The following CRAT variants were observed in gnomAD, a reference collection of about 807,000 sequenced individuals.
The protein encoded by CRAT is carnitine O-acetyltransferase, also known as carnitine acetylase.
CRAT carries 66 observed loss-of-function variants against 73.7 expected under a neutral mutation model. The observed-to-expected ratio is 0.90, with a 90% CI of 0.73 to 1.10. CRAT has a LOEUF of 1.10. Ranked by LOEUF, CRAT falls within the 50% of genes least tolerant of loss-of-function variation. The pLI is 0.00. For missense variants in CRAT, 745 were observed against 846.9 expected, an observed-to-expected ratio of 0.88 and a Z score of 1.49; for synonymous variants, 321 against 343.2, an observed-to-expected ratio of 0.94 and a Z score of 0.71.
Position 129,107,823 on chromosome 9 carries a change from C to T in CRAT, c.282G>A (p.Thr94=), listed in dbSNP as rs376276424. 9.3e-6 allele frequency: 15 copies of T among 1,612,946 alleles called. No homozygotes were observed. The highest frequency in any genetic ancestry group is 1.6e-4 in the Middle Eastern group (1 of 6,084). The change falls in exon 2 of 14, where the codon ACG becomes ACA. Residue 94 remains threonine (T), a synonymous_variant. Transcript: ENST00000318080. The surrounding 1 kb of genome is among the most constrained non-coding windows in gnomAD (Gnocchi z 5.0). ...QKGLERRARK[T]ENWLSEWWLK... ...GGATGCCCTCACTCACCCAGTTCTC[C>T]GTCTTCCTGGCCCGACGCTCCAGCC...
Position 129,098,515 on chromosome 9 carries a change from G to A in CRAT, c.1205+16C>T, listed in dbSNP as rs1249531343. ...CTCACCCATCCAGCACAGGGATGGC[G>A]GGGGCAGGCACTTACATGCTGAGGT... On this transcript the variant is annotated intron_variant, in intron 9 of 13. Coordinates refer to ENST00000318080, the MANE Select transcript of CRAT (RefSeq NM_000755.5). 3 of 1,603,322 alleles carry A rather than the reference G, an allele frequency of 1.9e-6. No individual in the cohort carries two copies. Among genetic ancestry groups the A allele is most frequent in the Non-Finnish European group, 2.6e-6 (3 of 1,175,560 alleles).
intron 2 of CRAT, among the ~76,000 whole-genome samples, chr9:129,104,884 A>T (rs371549081): frequency 1.5e-5 from 2 of 131,258 alleles, no homozygotes; most frequent in South Asian, 2.5e-4. Flanking sequence ...GATTACAGGC[A>T]TGAGCCACTG....
chr9:129,095,123 C>G lies in CRAT; in HGVS notation c.*274G>C. On this transcript the variant is annotated 3_prime_UTR_variant, in exon 14 of 14. Transcript: ENST00000318080. ...TGGTTCCCTTCCCCAGAGGAGGCAC[C>G]GGTGGAGGACGTGCCAGGGGCCCGG... is the stretch of plus-strand genomic sequence containing the variant. The G allele has an allele frequency of 2.0e-6, 1 of 510,442 alleles. No individual in the cohort carries two copies. The highest frequency in any genetic ancestry group is 1.9e-5 in the African/African-American group (1 of 52,200). 31.6% of individuals were successfully genotyped at this position (510,442 alleles called of 1,614,324 possible).
rs535379081 is a variant in CRAT, at chr9:129,098,664, G to A, written c.1086-14C>T. 10 of 1,597,394 alleles carry A rather than the reference G, an allele frequency of 6.3e-6. No individual in the cohort carries two copies. The highest frequency in any genetic ancestry group is 4.3e-6 in the Non-Finnish European group (5 of 1,175,676). On this transcript the variant is annotated splice_polypyrimidine_tract_variant and intron_variant, in intron 8 of 13. Transcript: ENST00000318080. Reference sequence around the variant, plus strand: ...TCGGGTTTCTTCCTGCACAGTAAACGGGGCCTCAGGCTCATGCTGGTGCCT... The same window carrying A: ...TCGGGTTTCTTCCTGCACAGTAAACAGGGCCTCAGGCTCATGCTGGTGCCT...
chr9:129,105,933 A>G (rs1564169090), intron 2 of CRAT, among the ~76,000 whole-genome samples: 1 of 152,036 alleles, frequency 6.6e-6, no homozygotes, highest in Non-Finnish European at 1.5e-5. Flanking sequence ...CTCCCAGGTG[A>G]CTGTCACCCT....
At chr9:129,101,532 C>T (rs752466678) in intron 6 of CRAT, among the ~76,000 whole-genome samples, 5 of 152,222 alleles carry the variant, frequency 3.3e-5, no homozygotes, top group Non-Finnish European at 4.4e-5. Flanking sequence ...AGCTACTCTC[C>T]GATAAGTTAA....
intron 2 of CRAT, among the ~76,000 whole-genome samples, chr9:129,105,664 A>G (rs548581249): frequency 1.6e-4 from 24 of 152,278 alleles, no homozygotes; most frequent in African/African-American, 5.5e-4. Flanking sequence ...GAACTGTCCA[A>G]GGAGGCAGGA....
At chr9:129,098,433 G>A in intron 9 of CRAT, 62 bp from the exon 10 acceptor site, 1 of 1,599,874 alleles carries the variant, frequency 6.3e-7, no homozygotes, top group Non-Finnish European at 8.5e-7. Context: ...ACCCCACGGA[G>A]GGTCTGGGTG....
chr9:129,110,693 G>A lies in CRAT; in HGVS notation c.-184C>T. 1.3e-6 allele frequency: 1 copy of A among 777,584 alleles called. No individual in the cohort carries two copies. Among genetic ancestry groups the A allele is most frequent in the Non-Finnish European group, 1.9e-6 (1 of 530,464 alleles). The allele number at this position is 777,584 out of a possible 1,614,324, so 48.2% of individuals were successfully genotyped here. ...CCACCCTCTGGGCCGAGCGGGCTGC[G>A]GGAAGGCACCCGGGGAGGAGGACTC... On this transcript the variant is annotated 5_prime_UTR_variant, in exon 1 of 14. Coordinates refer to ENST00000318080, the MANE Select transcript of CRAT (RefSeq NM_000755.5). The surrounding 1 kb of genome is among the most constrained non-coding windows in gnomAD (Gnocchi z 5.3).
chr9:129,098,446 A>C (rs17486094), intron 9 of CRAT, 75 bp from the exon 10 acceptor site: 3 of 1,595,632 alleles, frequency 1.9e-6, no homozygotes, highest in Non-Finnish European at 2.6e-6. Flanking sequence ...TCTGGGTGTC[A>C]TGACAGAGCT....
At chr9:129,104,886 G>C (rs17486185) in intron 2 of CRAT, among the ~76,000 whole-genome samples, 1 of 146,354 alleles carries the variant, frequency 6.8e-6, no homozygotes, top group African/African-American at 2.5e-5. Flanking sequence ...TTACAGGCAT[G>C]AGCCACTGTG....
Position 129,098,075 on chromosome 9 carries a change from T to A in CRAT, c.1402A>T (p.Ile468Phe). The A allele has an allele frequency of 6.2e-7, 1 of 1,614,034 alleles. No individual in the cohort carries two copies. Reference sequence around the variant, plus strand: ...AGTGAGTCCATGGAAGCCGAGCGGATGGTGTCGGTGCGGCCCAGGTGAAAC... The same window carrying A: ...AGTGAGTCCATGGAAGCCGAGCGGAAGGTGTCGGTGCGGCCCAGGTGAAAC... ...RMFHLGRTDTIRSASMDSLTF... is the reference protein window; with the variant it reads ...RMFHLGRTDTFRSASMDSLTF... Residue 468 changes from isoleucine to phenylalanine, a missense_variant, in exon 11 of 14, where the codon ATC (isoleucine) becomes TTC (phenylalanine). Physicochemically the swap from Ile to Phe is conservative, Grantham distance 21. Transcript: ENST00000318080.
intron 6 of CRAT, 110 bp from the exon 7 acceptor site, chr9:129,100,799 C>G: frequency 1.5e-6 from 2 of 1,348,162 alleles, no homozygotes; most frequent in Non-Finnish European, 2.0e-6. Context: ...CCATTTGTAC[C>G]TCTCTGGGAT....
chr9:129,103,647 T>C lies in CRAT; in HGVS notation c.410+541A>G, dbSNP rs1021352185. Among the ~76,000 whole-genome samples, 9 of 152,154 alleles carry C rather than the reference T, an allele frequency of 5.9e-5. No individual in the cohort carries two copies. The highest frequency in any genetic ancestry group is 1.9e-4 in the African/African-American group (8 of 41,432). On this transcript the variant is annotated intron_variant, in intron 3 of 13. Transcript: ENST00000318080. The surrounding 1 kb of genome is among the most constrained non-coding windows in gnomAD (Gnocchi z 4.6). ...CACCATGGGGACCAGTGGCTGGAGTTCCTGGGCCTGAACCCCGGCCCTTCC... is the reference window on the plus strand; with the variant it reads ...CACCATGGGGACCAGTGGCTGGAGTCCCTGGGCCTGAACCCCGGCCCTTCC...
intron 1 of CRAT, chr9:129,108,284 G>T: frequency 2.0e-6 from 2 of 996,414 alleles, no homozygotes; most frequent in Non-Finnish European, 1.4e-6. Flanking sequence ...GGGGGAGGGT[G>T]GGGTGTGGCC....
intron 6 of CRAT, among the ~76,000 whole-genome samples, chr9:129,101,082 G>C (rs567516601): frequency 3.1e-4 from 47 of 151,322 alleles, no homozygotes; most frequent in Non-Finnish European, 5.9e-4. Flanking sequence ...GGGGGCACAG[G>C]GGGTGTGGAG....
At chr9:129,096,665 A>ATACCTAGCGTCAGGGAGAGT (rs1564156271) in intron 12 of CRAT, among the ~76,000 whole-genome samples, 1 of 152,202 alleles carries the variant, frequency 6.6e-6, no homozygotes. Flanking sequence ...TCAGGGAGAG[A>ATACCTAGCGTCAGGGAGAGT]TACCTAGCAT....
rs997358613 is a variant in CRAT, at chr9:129,095,136, G to C, written c.*261C>G. On this transcript the variant is annotated 3_prime_UTR_variant, in exon 14 of 14. Coordinates refer to ENST00000318080, the MANE Select transcript of CRAT (RefSeq NM_000755.5). ...CAGAGGAGGCACCGGTGGAGGACGT[G>C]CCAGGGGCCCGGGCCTAACGTCCTG... is the stretch of plus-strand genomic sequence containing the variant. The C allele has an allele frequency of 1.1e-5, 6 of 539,674 alleles. No homozygotes were observed. In the South Asian group the frequency reaches 1.4e-4, roughly 12 times the overall value. The allele number at this position is 539,674 out of a possible 1,614,324, so 33.4% of individuals were successfully genotyped here. A position where few individuals can be genotyped will look rare whatever the true frequency, so the allele number is the denominator to read the frequency against.
rs746265890 is a variant in CRAT, at chr9:129,096,176, C to A, written c.1528-41G>T. Reference sequence around the variant, plus strand: ...AGCTGTCAGGAGCAGGGGCTGTGGACCCCCGGGGTATCCCTGCCCTCTTCA... The same window carrying A: ...AGCTGTCAGGAGCAGGGGCTGTGGAACCCCGGGGTATCCCTGCCCTCTTCA... On this transcript the variant is annotated intron_variant, in intron 12 of 13. Transcript: ENST00000318080. 3 of 1,608,078 alleles carry A rather than the reference C, an allele frequency of 1.9e-6. No individual in the cohort carries two copies. In the African/African-American group the frequency reaches 4.0e-5, roughly 21 times the overall value.
Sources: allele counts gnomAD v4.1 joint callset (sites outside exome capture counted in the v4.1 genomes callset), GRCh38; gene constraint gnomAD v4.1.1; non-coding constraint Gnocchi (gnomAD v3.1); transcripts MANE v1.5; gene names NCBI Gene and HGNC (gene_info 2026-07-23, HGNC 2026-07-21).